Variants in SBNO1 observed in about 807,000 individuals in gnomAD.
SBNO1 encodes the protein protein strawberry notch homolog 1.
In SBNO1, 23 loss-of-function variants were observed where a neutral mutation model predicts 173.6. That is an observed-to-expected ratio of 0.13 (90% confidence interval 0.10 to 0.19). The LOEUF (loss-of-function observed/expected upper bound fraction) is 0.19. Among genes scored for constraint, SBNO1 ranks in the 10% least tolerant of loss-of-function variants. The pLI is 1.00. For synonymous variants in SBNO1, 632 were observed against 571.5 expected, an observed-to-expected ratio of 1.11 and a Z score of -1.51; for missense variants, 1,238 against 1,671.2, an observed-to-expected ratio of 0.74 and a Z score of 4.52.
In SBNO1 at chr12:123,326,131, T is replaced by C. The variant is rs199660039; in HGVS notation, c.1875+21A>G. 1.5e-5 allele frequency: 23 copies of C among 1,561,470 alleles called. No individual in the cohort carries two copies. The Admixed American group carries it at 3.2e-4, about 22-fold the overall frequency. On this transcript the variant is annotated intron_variant, in intron 14 of 31. Coordinates refer to ENST00000602398, the MANE Select transcript of SBNO1 (RefSeq NM_001167856.3). ...AACAACATAACCCCCAAACAATCTC[T>C]TAATGAGTTCTTCTACTTACTTTTC...
chr12:123,325,640 T>C, intron 14 of SBNO1, 41 bp from the exon 15 acceptor site: 1 of 1,275,722 alleles, frequency 7.8e-7, no homozygotes, highest in Non-Finnish European at 1.1e-6. Flanking sequence ...AATAATAATG[T>C]TTGTGGCTTC....
At chr12:123,356,242 G>C (rs1256993720) in intron 1 of SBNO1, among the ~76,000 whole-genome samples, 2 of 152,086 alleles carry the variant, frequency 1.3e-5, no homozygotes, top group Non-Finnish European at 2.9e-5. Context: ...TCCTTCATAG[G>C]ATTACTGTGT....
intron 13 of SBNO1, 104 bp downstream of exon 13, chr12:123,327,322 T>C (rs1359914617): frequency 1.0e-6 from 1 of 960,046 alleles, no homozygotes; most frequent in Non-Finnish European, 1.6e-6. Context: ...TGTTTTATAG[T>C]AGAAATACAT....
At chr12:123,303,202 T>C (rs2048837523) in intron 29 of SBNO1, among the ~76,000 whole-genome samples, 1 of 152,200 alleles carries the variant, frequency 6.6e-6, no homozygotes, top group Admixed American at 6.5e-5. Context: ...GGAAAAGTGG[T>C]CGCTTAACAT....
chr12:123,311,178 C>G, intron 24 of SBNO1, 49 bp from the exon 25 acceptor site: 1 of 1,327,578 alleles, frequency 7.5e-7, no homozygotes, highest in Non-Finnish European at 1.1e-6. Flanking sequence ...GGGATGTCTA[C>G]AATGTACCAC....
At chr12:123,310,931 C>A in intron 25 of SBNO1, 124 bp downstream of exon 25, 1 of 695,442 alleles carries the variant, frequency 1.4e-6, no homozygotes, top group Non-Finnish European at 2.5e-6. Flanking sequence ...TACCCCACAG[C>A]AGCCAAAACC....
At chr12:123,322,732 C>A (rs988819492) in intron 16 of SBNO1, among the ~76,000 whole-genome samples, 23 of 151,450 alleles carry the variant, frequency 1.5e-4, no homozygotes, top group Non-Finnish European at 2.7e-4. Context: ...ATGGTGAAAC[C>A]CCATCTCTAC....
intron 29 of SBNO1, among the ~76,000 whole-genome samples, chr12:123,304,018 C>T (rs1291690287): frequency 6.8e-6 from 1 of 147,224 alleles, no homozygotes; most frequent in African/African-American, 2.5e-5. Flanking sequence ...GCCTCCTCCA[C>T]TTCACAGGTT....
chr12:123,311,746 A>ATTTT (rs1162916089), intron 24 of SBNO1, among the ~76,000 whole-genome samples: 24 of 135,976 alleles, frequency 1.8e-4, no homozygotes, highest in African/African-American at 6.6e-4. Context: ...ATATATATAT[A>ATTTT]TATTTTTGCG....
Position 123,295,863 on chromosome 12 carries a change from T to C in SBNO1, c.*45A>G. 1.9e-6 allele frequency: 3 copies of C among 1,599,770 alleles called. No individual in the cohort carries two copies. Among genetic ancestry groups the C allele is most frequent in the Non-Finnish European group, 2.6e-6 (3 of 1,171,060 alleles). On this transcript the variant is annotated 3_prime_UTR_variant, in exon 32 of 32. Coordinates refer to ENST00000602398, the MANE Select transcript of SBNO1 (RefSeq NM_001167856.3). ...CCTGATTTTTATGCAAATGATATGC[T>C]TCAACAGCATTTCAGATCCATCCAT...
chr12:123,338,598 T>C (rs187518701), intron 5 of SBNO1, among the ~76,000 whole-genome samples: 271 of 151,810 alleles, frequency 1.8e-3, no homozygotes, highest in African/African-American at 4.5e-3. Flanking sequence ...AGGAAGAGAA[T>C]TGCTTGAGCC....
At chr12:123,363,409 G>A (rs562074818) in intron 1 of SBNO1, among the ~76,000 whole-genome samples, 1 of 152,166 alleles carries the variant, frequency 6.6e-6, no homozygotes, top group Non-Finnish European at 1.5e-5. Flanking sequence ...TTATCTGAAA[G>A]TGTTAAGTCA....
intron 17 of SBNO1, 24 bp downstream of exon 17, chr12:123,321,511 G>A (rs373240284): frequency 1.3e-6 from 2 of 1,496,860 alleles, no homozygotes; most frequent in Non-Finnish European, 1.9e-6. Flanking sequence ...ATGCTTTCGT[G>A]TATATTTAAT....
intron 1 of SBNO1, chr12:123,363,845 G>A (rs1875709713): frequency 3.0e-6 from 3 of 985,350 alleles, no homozygotes; most frequent in South Asian, 4.7e-5. Context: ...GGGGTGGGAA[G>A]GGGAGGAGCT....
In SBNO1 at chr12:123,321,747, A is replaced by C; in HGVS notation, c.2126-15T>G. 6.2e-7 allele frequency: 1 copy of C among 1,610,692 alleles called. No individual in the cohort carries two copies. Among genetic ancestry groups the C allele is most frequent in the Non-Finnish European group, 8.5e-7 (1 of 1,177,156 alleles). On this transcript the variant is annotated splice_polypyrimidine_tract_variant and intron_variant, in intron 16 of 31. Transcript: ENST00000602398. ...TATTTCTTCACCTACCCTCCGCCAC[A>C]AACAAGAGAGTCAGCCCAAATTCAA...
Position 123,343,584 on chromosome 12 carries a change from G to A in SBNO1, c.550+1674C>T, listed in dbSNP as rs1016531379. ...GATGGAGTCTTGCTCTGTCGCCCAG[G>A]CTGGAGTGCAGTGGCGCCATCTCAG... On this transcript the variant is annotated intron_variant, in intron 4 of 31. Coordinates refer to ENST00000602398, the MANE Select transcript of SBNO1 (RefSeq NM_001167856.3). Among the ~76,000 whole-genome samples the A allele has an allele frequency of 2.0e-5, 3 of 149,092 alleles. 1 individual carries two copies. The highest frequency in any genetic ancestry group is 4.3e-4 in the South Asian group (2 of 4,676).
intron 3 of SBNO1, among the ~76,000 whole-genome samples, chr12:123,347,694 A>G (rs1873366609): frequency 6.6e-6 from 1 of 151,752 alleles, no homozygotes; most frequent in African/African-American, 2.4e-5. Context: ...ACACCAAGCT[A>G]ATTTTTGTAT....
rs1048716179 is a variant in SBNO1, at chr12:123,290,494, G to A, written c.*5414C>T. On this transcript the variant is annotated 3_prime_UTR_variant, in exon 32 of 32. Coordinates refer to ENST00000602398, the MANE Select transcript of SBNO1 (RefSeq NM_001167856.3). ...ACACCATCATTTTGATGAACCATCC[G>A]GGTCTTCCCAACTCGAATTATTAAA... The A allele has an allele frequency of 3.9e-5, 6 of 152,088 alleles. No individual in the cohort carries two copies. In the South Asian group the frequency reaches 6.2e-4, roughly 16 times the overall value. 9.4% of individuals were successfully genotyped at this position (152,088 alleles called of 1,614,324 possible).
rs2048475403 is a variant in SBNO1, at chr12:123,289,129, T to C, written c.*6779A>G. On this transcript the variant is annotated 3_prime_UTR_variant, in exon 32 of 32. Coordinates refer to ENST00000602398, the MANE Select transcript of SBNO1 (RefSeq NM_001167856.3). Reference sequence around the variant, plus strand: ...ACCCGTGACTCGTATTTAATTTATTTAGAATCTTACAAAAACAAAAAACAA... The same window carrying C: ...ACCCGTGACTCGTATTTAATTTATTCAGAATCTTACAAAAACAAAAAACAA... The C allele has an allele frequency of 6.6e-6, 1 of 152,122 alleles. No homozygotes were observed. 9.4% of individuals were successfully genotyped at this position (152,122 alleles called of 1,614,324 possible).
Sources: allele counts gnomAD v4.1 joint callset (sites outside exome capture counted in the v4.1 genomes callset), GRCh38; gene constraint gnomAD v4.1.1; transcripts MANE v1.5; gene names NCBI Gene and HGNC (gene_info 2026-07-23, HGNC 2026-07-21).